NTM: variants seen among roughly 807,000 people sequenced by gnomAD.
The protein encoded by NTM is neurotrimin.
In NTM, 13 loss-of-function variants were observed where a neutral mutation model predicts 42.1. That is an observed-to-expected ratio of 0.31 (90% CI 0.20 to 0.49). The LOEUF (loss-of-function observed/expected upper bound fraction) is 0.49. Ranked by LOEUF, NTM falls within the 20% of genes least tolerant of loss-of-function variation. The probability of loss-of-function intolerance (pLI) is 0.99; values close to 1 mark genes in which losing one functional copy is unlikely to be tolerated. For synonymous variants in NTM, 187 were observed against 179.2 expected, an observed-to-expected ratio of 1.04 and a Z score of -0.35; for missense variants, 373 against 452.8, an observed-to-expected ratio of 0.82 and a Z score of 1.60.
At chr11:131,774,690 A>G (rs2086681268) in intron 1 of NTM, among the ~76,000 whole-genome samples, 1 of 152,348 alleles carries the variant, frequency 6.6e-6, no homozygotes, top group Admixed American at 6.5e-5. Flanking sequence ...ATGCCCTCAG[A>G]GCAGTTCTCT....
chr11:132,296,424 A>G (rs569600013), intron 4 of NTM, among the ~76,000 whole-genome samples: 112 of 152,288 alleles, frequency 7.4e-4, no homozygotes, highest in Non-Finnish European at 1.2e-3. Context: ...TTTTAAAATT[A>G]TTTCCCACGT....
chr11:132,006,954 T>C (rs958150631), intron 2 of NTM, among the ~76,000 whole-genome samples: 9 of 152,208 alleles, frequency 5.9e-5, no homozygotes, highest in African/African-American at 1.7e-4. Flanking sequence ...AAATGACGTG[T>C]GTCACCCTGT....
intron 2 of NTM, among the ~76,000 whole-genome samples, chr11:132,051,111 G>A (rs1157228988): frequency 6.6e-6 from 1 of 152,206 alleles, no homozygotes; most frequent in Non-Finnish European, 1.5e-5. Context: ...TTGTAACCCT[G>A]TGACTTTGGT....
At chr11:131,839,424 T>C (rs1255657960) in intron 1 of NTM, among the ~76,000 whole-genome samples, 2 of 152,146 alleles carry the variant, frequency 1.3e-5, no homozygotes, top group African/African-American at 4.8e-5. Context: ...GATGAGGAAA[T>C]GAGTCGGGGG....
chr11:131,857,118 G>A (rs2046184638), intron 1 of NTM, among the ~76,000 whole-genome samples: 1 of 152,102 alleles, frequency 6.6e-6, no homozygotes, highest in Non-Finnish European at 1.5e-5. Flanking sequence ...ATGTCACTGG[G>A]CAGTTGTCAC....
chr11:132,328,793 C>A (rs2095740635), intron 7 of NTM, among the ~76,000 whole-genome samples: 1 of 152,100 alleles, frequency 6.6e-6, no homozygotes, highest in South Asian at 2.1e-4. Flanking sequence ...CTAAATAAGA[C>A]AATTAATGAA....
intron 1 of NTM, among the ~76,000 whole-genome samples, chr11:131,450,476 T>C (rs1364510652): frequency 6.6e-6 from 1 of 152,152 alleles, no homozygotes; most frequent in Non-Finnish European, 1.5e-5. Flanking sequence ...ATCCCCACTC[T>C]GACAGCTTCC....
rs201971384 is a variant in NTM at position 131,890,598 on chromosome 11, G to GT, written c.83-20958dup. ...TATTAGTGCTAGATTGATTTTCTGG[G>GT]TTTTTTTTCTAATGTATGAAAGCAG... On this transcript the variant is annotated intron_variant, in intron 1 of 8. Coordinates refer to ENST00000683400, the MANE Select transcript of NTM (RefSeq NM_001352005.2). 8.8e-3 allele frequency among the ~76,000 whole-genome samples: 1,334 copies of GT among 152,068 alleles called. 13 individuals are homozygous for GT. The highest frequency in any genetic ancestry group is 0.012 in the Non-Finnish European group (836 of 67,970).
At chr11:131,990,446 T>C (rs1290507455) in intron 2 of NTM, among the ~76,000 whole-genome samples, 2 of 152,034 alleles carry the variant, frequency 1.3e-5, no homozygotes, top group African/African-American at 4.8e-5. Flanking sequence ...TGTACATGGG[T>C]ATAATCATGA....
At chr11:131,437,715 C>A (rs1014171367) in intron 1 of NTM, among the ~76,000 whole-genome samples, 1 of 152,184 alleles carries the variant, frequency 6.6e-6, no homozygotes, top group African/African-American at 2.4e-5. Flanking sequence ...ATAGAGCATA[C>A]TGATGGGTCT....
intron 1 of NTM, among the ~76,000 whole-genome samples, chr11:131,686,427 A>G (rs1056333434): frequency 2.0e-5 from 3 of 152,222 alleles, no homozygotes; most frequent in African/African-American, 7.2e-5. Flanking sequence ...ATAGTAAGGA[A>G]GGGAAAATGT....
intron 1 of NTM, among the ~76,000 whole-genome samples, chr11:131,487,830 A>G (rs74999768): frequency 0.066 from 10,101 of 152,194 alleles, 1,115 homozygotes; most frequent in African/African-American, 0.23. Context: ...TGGAAGGCTT[A>G]AACACTGACA....
At chr11:132,308,643 T>G (rs1421368864) in intron 5 of NTM, among the ~76,000 whole-genome samples, 1 of 151,876 alleles carries the variant, frequency 6.6e-6, no homozygotes, top group Non-Finnish European at 1.5e-5. Context: ...CCTTCAAAAC[T>G]TGGGTGGCGT....
intron 4 of NTM, among the ~76,000 whole-genome samples, chr11:132,249,492 T>G (rs1027003990): frequency 6.6e-6 from 1 of 152,202 alleles, no homozygotes. Flanking sequence ...GGTTGTTTCC[T>G]TGTGTGATGC....
chr11:131,807,019 C>T (rs923486651), intron 1 of NTM, among the ~76,000 whole-genome samples: 2 of 152,112 alleles, frequency 1.3e-5, no homozygotes, highest in Non-Finnish European at 2.9e-5. Context: ...ACGTTAAAGG[C>T]CTTTCATGGG....
At chr11:132,120,288 G>A (rs1266286522) in intron 2 of NTM, among the ~76,000 whole-genome samples, 1 of 152,098 alleles carries the variant, frequency 6.6e-6, no homozygotes, top group Admixed American at 6.6e-5. Context: ...CAAGATTTTT[G>A]AGAGAATGCC....
At chr11:131,436,053 T>G (rs918861420) in intron 1 of NTM, among the ~76,000 whole-genome samples, 1 of 152,208 alleles carries the variant, frequency 6.6e-6, no homozygotes, top group Non-Finnish European at 1.5e-5. Flanking sequence ...ATCATGTGGT[T>G]TTTAACGTTG....
At chr11:131,577,177 A>G (rs1181053591) in intron 1 of NTM, among the ~76,000 whole-genome samples, 1 of 152,208 alleles carries the variant, frequency 6.6e-6, no homozygotes, top group African/African-American at 2.4e-5. Context: ...TTCCCTCATT[A>G]ACACTGTTGT....
rs551245602 is a variant in NTM, at chr11:131,584,168, T to C, written c.82+213280T>C. On this transcript the variant is annotated intron_variant, in intron 1 of 8. Coordinates refer to ENST00000683400, the MANE Select transcript of NTM (RefSeq NM_001352005.2). ...TTTGCTGACACCAGCCATGAGTGAG[T>C]GTCTCTCAGTCCCTGCCCTGTGCTT... 3.9e-5 allele frequency among the ~76,000 whole-genome samples: 6 copies of C among 152,298 alleles called. No homozygotes were observed. In the South Asian group the frequency reaches 1.0e-3, roughly 26 times the overall value.
Sources: gnomAD v4.1 joint callset for allele counts (sites outside exome capture counted in the v4.1 genomes callset) on GRCh38, gnomAD v4.1.1 for gene constraint, MANE v1.5 for transcripts, NCBI Gene and HGNC (gene_info 2026-07-23, HGNC 2026-07-21) for gene names.